SLC1A2: variants seen among roughly 807,000 people sequenced by gnomAD.
The protein encoded by SLC1A2 is solute carrier family 1 member 2.
In SLC1A2, 15 loss-of-function variants were observed where a neutral mutation model predicts 48.8. The observed-to-expected ratio is 0.31, with a 90% confidence interval of 0.21 to 0.47. The LOEUF is 0.47. Among genes scored for constraint, SLC1A2 ranks in the 20% least tolerant of loss-of-function variants. The pLI is 0.99. For synonymous variants in SLC1A2, 279 were observed against 272.6 expected (o/e 1.02, Z -0.23); for missense variants, 502 against 730.5 (o/e 0.69, Z 3.61).
chr11:35,376,192 TA>T (rs77459883), intron 1 of SLC1A2, among the ~76,000 whole-genome samples: 39,357 of 144,484 alleles, frequency 0.27, 5,109 homozygotes, highest in Middle Eastern at 0.29. Flanking sequence ...GGTATTCTAT[TA>T]AAAAAAAAAA....
intron 1 of SLC1A2, among the ~76,000 whole-genome samples, chr11:35,400,728 A>G (rs1855111619): frequency 6.6e-6 from 1 of 152,186 alleles, no homozygotes; most frequent in Non-Finnish European, 1.5e-5. Context: ...ATTCTCCTGA[A>G]AAATAATCAA....
intron 6 of SLC1A2, chr11:35,297,642 A>G (rs1367254917): frequency 6.6e-6 from 1 of 152,228 alleles, no homozygotes; most frequent in African/African-American, 2.4e-5. Context: ...AGTTTTTCAA[A>G]TTTTGAAAAA....
rs112432932 is a variant in SLC1A2 at position 35,278,093 on chromosome 11, G to A, written c.1421+2774C>T. On this transcript the variant is annotated intron_variant, in intron 9 of 10. Transcript: ENST00000278379. ...TAGGGACGCCACTACCACCACCTGA[G>A]AGACTGGCAGAGACAGAGATGAGGC... Among the ~76,000 whole-genome samples, 785 of 152,224 alleles carry A rather than the reference G, an allele frequency of 5.2e-3. 14 individuals are homozygous for A. The highest frequency in any genetic ancestry group is 0.018 in the African/African-American group (741 of 41,538).
chr11:35,417,464 G>C (rs929975097), intron 1 of SLC1A2, among the ~76,000 whole-genome samples: 3 of 152,146 alleles, frequency 2.0e-5, no homozygotes, highest in African/African-American at 7.2e-5. Context: ...GGTCCATGAA[G>C]GCAACCAGAA....
intron 1 of SLC1A2, among the ~76,000 whole-genome samples, chr11:35,413,358 T>G (rs1353381988): frequency 6.6e-6 from 1 of 152,216 alleles, no homozygotes; most frequent in Non-Finnish European, 1.5e-5. Context: ...TCTTGGGCAA[T>G]TCACCTACTC....
At chr11:35,278,235 T>TC (rs1392628440) in intron 9 of SLC1A2, among the ~76,000 whole-genome samples, 2 of 151,836 alleles carry the variant, frequency 1.3e-5, no homozygotes, top group Admixed American at 6.6e-5. Flanking sequence ...TTGAACTGAT[T>TC]CTGTTCAGGG....
chr11:35,294,243 T>G (rs114525148), intron 6 of SLC1A2, among the ~76,000 whole-genome samples: 1,708 of 152,308 alleles, frequency 0.011, 35 homozygotes, highest in African/African-American at 0.039. Flanking sequence ...GATCTGTAAC[T>G]GACACAAATT....
chr11:35,309,617 T>C (rs893799229), intron 4 of SLC1A2, among the ~76,000 whole-genome samples: 1 of 152,178 alleles, frequency 6.6e-6, no homozygotes, highest in African/African-American at 2.4e-5. Context: ...CTCATCTTCC[T>C]CTTTACATTT....
At chr11:35,299,351 C>CTGTGTGTGTGTGTGTGTG (rs3046423) in intron 6 of SLC1A2, 19 of 93,500 alleles carry the variant, frequency 2.0e-4, no homozygotes, top group African/African-American at 6.1e-4. Context: ...CTCTCTCTCT[C>CTGTGTGTGTGTGTGTGTG]TCTGTGTGTG....
intron 7 of SLC1A2, among the ~76,000 whole-genome samples, chr11:35,289,120 C>A (rs1324279389): frequency 6.6e-6 from 1 of 152,206 alleles, no homozygotes; most frequent in Non-Finnish European, 1.5e-5. Flanking sequence ...TTTTAACAGA[C>A]TGCACTGAAG....
At chr11:35,301,122 C>T (rs953124795) in intron 6 of SLC1A2, among the ~76,000 whole-genome samples, 4 of 152,120 alleles carry the variant, frequency 2.6e-5, no homozygotes, top group Admixed American at 1.3e-4. Context: ...GGAAAAGGCC[C>T]CTTATCAGAC....
At chr11:35,271,710 T>C (rs1850283922) in intron 9 of SLC1A2, among the ~76,000 whole-genome samples, 2 of 151,968 alleles carry the variant, frequency 1.3e-5, no homozygotes, top group African/African-American at 4.8e-5. Flanking sequence ...GGGTGTGGTG[T>C]CGTGCACCTG....
chr11:35,278,270 TTTG>T (rs555837477), intron 9 of SLC1A2, among the ~76,000 whole-genome samples: 18,488 of 127,752 alleles, frequency 0.14, 1,654 homozygotes, highest in Admixed American at 0.22. Context: ...TCTGTTTTTT[TTTG>T]TTTTTTTTTT....
intron 5 of SLC1A2, 140 bp downstream of exon 5, chr11:35,305,934 A>G: frequency 1.5e-6 from 1 of 659,554 alleles, no homozygotes; most frequent in African/African-American, 1.8e-5. Flanking sequence ...TCTCAGTCCC[A>G]GTGACCCTCA....
At chr11:35,419,868 C>T (rs1442396440), upstream of SLC1A2, 1 of 451,308 alleles carries the variant, frequency 2.2e-6, no homozygotes, top group Non-Finnish European at 4.6e-6. The surrounding 1 kb of genome is among the most constrained non-coding windows in gnomAD (Gnocchi z 5.4). Context: ...CTGGCGCTCC[C>T]TCCTCACTCC....
At chr11:35,262,625 A>G (rs1019118173) in intron 10 of SLC1A2, among the ~76,000 whole-genome samples, 1 of 152,262 alleles carries the variant, frequency 6.6e-6, no homozygotes, top group Admixed American at 6.5e-5. Flanking sequence ...ATCCTCAGAA[A>G]GGGTGTAAAT....
rs1054606482 is a variant in SLC1A2, at chr11:35,419,284, G to A, written c.-318C>T. ...AGAGAGCGATGCGCCCAGGGCTGCA[G>A]GAGGGCGCACGCCGGCGATGCGCCC... On this transcript the variant is annotated 5_prime_UTR_variant, in exon 1 of 11. Coordinates refer to ENST00000278379, the MANE Select transcript of SLC1A2 (RefSeq NM_004171.4). This position sits in a 1 kb window ranked among gnomAD's most constrained non-coding sequence, Gnocchi z 5.4. 6.9e-5 allele frequency: 22 copies of A among 318,944 alleles called. No homozygotes were observed. The highest frequency in any genetic ancestry group is 1.2e-4 in the Non-Finnish European group (22 of 176,182). The allele number at this position is 318,944 out of a possible 1,614,324, so 19.8% of individuals were successfully genotyped here. A position where few individuals can be genotyped will look rare whatever the true frequency, so the allele number is the denominator to read the frequency against.
chr11:35,404,590 C>T (rs1284323930), intron 1 of SLC1A2: 1 of 152,198 alleles, frequency 6.6e-6, no homozygotes, highest in Non-Finnish European at 1.5e-5. Context: ...GGTGCGGGGC[C>T]TGGGAAAGAG....
At chr11:35,300,846 G>A (rs891374779) in intron 6 of SLC1A2, among the ~76,000 whole-genome samples, 5 of 151,938 alleles carry the variant, frequency 3.3e-5, no homozygotes, top group African/African-American at 9.7e-5. Context: ...TGAAATCCTC[G>A]TCTCTATAAA....
Sources: allele counts gnomAD v4.1 joint callset (sites outside exome capture counted in the v4.1 genomes callset), GRCh38; gene constraint gnomAD v4.1.1; non-coding constraint Gnocchi (gnomAD v3.1); transcripts MANE v1.5; gene names NCBI Gene and HGNC (gene_info 2026-07-23, HGNC 2026-07-21).